ANTKMT: variants seen among roughly 807,000 people sequenced by gnomAD.
ANTKMT encodes the protein adenine nucleotide translocase lysine N-methyltransferase.
A neutral mutation model predicts 20.7 loss-of-function variants in ANTKMT; 24 were observed. The observed-to-expected ratio is 1.16, with a 90% CI of 0.84 to 1.63. ANTKMT has a LOEUF of 1.63. ANTKMT is among the 40% of genes most tolerant of loss of function. The pLI is 0.00. For missense variants in ANTKMT, 428 were observed against 334.8 expected (o/e 1.28, Z -2.17); for synonymous variants, 193 against 161.2 (o/e 1.20, Z -1.49).
At position 721,788 on chromosome 16, in the gene ANTKMT, T is replaced by G; in HGVS notation, c.268-13T>G. On this transcript the variant is annotated splice_polypyrimidine_tract_variant and intron_variant, in intron 2 of 4. Coordinates refer to ENST00000569529, the MANE Select transcript of ANTKMT (RefSeq NM_023933.3). The stretch of plus-strand genomic sequence containing the variant: ...TGCCCACATCCTGGTTCCCACACTC[T>G]CGGTGCCCACAGGTGCTGGCGGCCC... 1 of 1,537,910 alleles carries G rather than the reference T, an allele frequency of 6.5e-7. No individual in the cohort carries two copies. The highest frequency in any genetic ancestry group is 8.7e-7 in the Non-Finnish European group (1 of 1,143,698).
At position 721,587 on chromosome 16, in the gene ANTKMT, A is replaced by G. The variant is rs2040230692; in HGVS notation, c.163-11A>G. 1 of 1,537,920 alleles carries G rather than the reference A, an allele frequency of 6.5e-7. No homozygotes were observed. The highest frequency in any genetic ancestry group is 1.4e-5 in the African/African-American group (1 of 71,266). On this transcript the variant is annotated splice_polypyrimidine_tract_variant and intron_variant, in intron 1 of 4. Transcript: ENST00000569529. ...GAGCGGCCAGTGGACTCTCGCCGCC[A>G]CCCGGTCCAGGTGCCCTACGTCGGC...
At chr16:721,755 G>A in intron 2 of ANTKMT, 46 bp from the exon 3 acceptor site, 1 of 1,535,302 alleles carries the variant, frequency 6.5e-7, no homozygotes, top group Non-Finnish European at 8.8e-7. Context: ...CCTGCTGGCG[G>A]GCGCCCCTGC....
rs1287485746 is a variant in ANTKMT, at chr16:722,010, C to A, written c.408+69C>A. On this transcript the variant is annotated intron_variant, in intron 3 of 4. Transcript: ENST00000569529. Reference sequence around the variant, plus strand: ...GGCTGACACCTGCGAGGGCTGGGGGCCGGGACTCGGAAGCTGCGATGACCC... The same window carrying A: ...GGCTGACACCTGCGAGGGCTGGGGGACGGGACTCGGAAGCTGCGATGACCC... The A allele has an allele frequency of 1.8e-5, 28 of 1,550,532 alleles. No individual in the cohort carries two copies. The Admixed American group carries it at 5.4e-4, about 30-fold the overall frequency.
At chr16:721,484 G>A in intron 1 of ANTKMT, 48 bp downstream of exon 1, 5 of 1,382,472 alleles carry the variant, frequency 3.6e-6, no homozygotes, top group Non-Finnish European at 4.6e-6. Context: ...TGCCGCTCAG[G>A]GTCTCAAGGT....
chr16:722,079 G>T lies in ANTKMT; in HGVS notation c.409-5G>T, dbSNP rs374436232. ...CCCCGGCCGGGGCGACTTCTCTTCC[G>T]GCAGGTGAGCCTGAGGGACTGCCGC... On this transcript the variant is annotated splice_polypyrimidine_tract_variant and splice_region_variant and intron_variant, in intron 3 of 4. Transcript: ENST00000569529. 6 of 1,604,016 alleles carry T rather than the reference G, an allele frequency of 3.7e-6. No homozygotes were observed. Among genetic ancestry groups the T allele is most frequent in the African/African-American group, 1.3e-5 (1 of 74,840 alleles).
At chr16:721,467 G>C (rs888225141) in intron 1 of ANTKMT, 31 bp downstream of exon 1, 77 of 1,367,368 alleles carry the variant, frequency 5.6e-5, no homozygotes, top group Non-Finnish European at 6.7e-5. Flanking sequence ...GGGCAGGGGA[G>C]CTCGGCTGCC....
intron 3 of ANTKMT, 34 bp downstream of exon 3, chr16:721,975 C>T (rs1185022327): frequency 1.9e-6 from 3 of 1,559,404 alleles, no homozygotes; most frequent in Non-Finnish European, 8.6e-7. Flanking sequence ...CCGCTGACAG[C>T]CCAAGGTGCG....
chr16:722,399 G>C lies in ANTKMT; in HGVS notation c.550G>C (p.Val184Leu), dbSNP rs753607777. Residue 184 changes from valine (V) to leucine (L), a missense_variant, in exon 5 of 5, where the codon GTG becomes CTG. By Grantham distance (32) the Val-to-Leu change is conservative. Transcript: ENST00000569529. ...CTTCCCACTCCCCACCTGGCAGCCTGTGACCGCGGTTGGCGAGGGCCTGGA... is the reference window on the plus strand; with the variant it reads ...CTTCCCACTCCCCACCTGGCAGCCTCTGACCGCGGTTGGCGAGGGCCTGGA... ...GRFPLPTWQP[V>L]TAVGEGLDRV... The C allele has an allele frequency of 6.2e-7, 1 of 1,602,352 alleles. No individual in the cohort carries two copies. The highest frequency in any genetic ancestry group is 8.5e-7 in the Non-Finnish European group (1 of 1,174,570).
Position 721,625 on chromosome 16 carries a change from C to T in ANTKMT, c.190C>T (p.Gln64Ter). The T allele has an allele frequency of 6.5e-7, 1 of 1,545,812 alleles. No individual in the cohort carries two copies. Among genetic ancestry groups the T allele is most frequent in the Non-Finnish European group, 8.7e-7 (1 of 1,146,120 alleles). The change falls in exon 2 of 5, where the codon CAG becomes TAG. Residue 64 changes from glutamine (Q) to a stop codon, truncating the protein, a stop_gained. Transcript: ENST00000569529. LOFTEE classifies it high-confidence loss of function. ...QVPYVGASAR[Q>*]VEHVLSLLRG... is the part of the protein sequence containing the mutation. ...GCCCTACGTCGGCGCGAGCGCGCGG[C>T]AGGTGGAGCACGTGTTGTCGCTGCT...
rs763154136 is a variant in ANTKMT, at chr16:722,124, C to A, written c.449C>A (p.Ala150Asp). The A allele has an allele frequency of 8.1e-6, 13 of 1,608,852 alleles. No individual in the cohort carries two copies. The highest frequency in any genetic ancestry group is 1.3e-5 in the African/African-American group (1 of 74,830). ...RDCRNVSVFLAPSVLPLLEDK... is the reference protein window; with the variant it reads ...RDCRNVSVFLDPSVLPLLEDK... ...TGCCGCAACGTGTCTGTGTTCCTGG[C>A]CCCTAGCGTGGTAGGTGCGGGGTTG... Residue 150 changes from alanine to aspartate, a missense_variant, in exon 4 of 5, where the codon GCC becomes GAC. Physicochemically the swap from Ala to Asp is moderately radical, Grantham distance 126. Coordinates refer to ENST00000569529, the MANE Select transcript of ANTKMT (RefSeq NM_023933.3).
Position 722,455 on chromosome 16 carries a change from T to A in ANTKMT, c.606T>A (p.Gly202=), listed in dbSNP as rs1183040243. The change falls in exon 5 of 5, where the codon GGT becomes GGA. Residue 202 remains glycine, a synonymous_variant. Coordinates refer to ENST00000569529, the MANE Select transcript of ANTKMT (RefSeq NM_023933.3). ...DRVWAYDVPE[G]GQAGEAASSR... is the part of the protein sequence containing the mutation. ...TATGGGCTTATGATGTTCCTGAGGG[T>A]GGGCAGGCTGGGGAGGCCGCCTCCT... 2 of 1,611,192 alleles carry A rather than the reference T, an allele frequency of 1.2e-6. No homozygotes were observed. The highest frequency in any genetic ancestry group is 2.7e-5 in the African/African-American group (2 of 74,862).
chr16:721,476 C>A, intron 1 of ANTKMT, 40 bp downstream of exon 1: 1 of 1,369,464 alleles, frequency 7.3e-7, no homozygotes, highest in Non-Finnish European at 9.3e-7. Context: ...AGCTCGGCTG[C>A]CGCTCAGGGT....
rs765527018 is a variant in ANTKMT at position 722,049 on chromosome 16, C to T, written c.409-35C>T. ...CTGCGATGACCCGGTGCCCACCAGGCCTCTCCCCGGCCGGGGCGACTTCTC... is the reference window on the plus strand; with the variant it reads ...CTGCGATGACCCGGTGCCCACCAGGTCTCTCCCCGGCCGGGGCGACTTCTC... On this transcript the variant is annotated intron_variant, in intron 3 of 4. Coordinates refer to ENST00000569529, the MANE Select transcript of ANTKMT (RefSeq NM_023933.3). 7.6e-6 allele frequency: 12 copies of T among 1,581,822 alleles called. No homozygotes were observed. In the South Asian group the frequency reaches 1.3e-4, roughly 17 times the overall value.
rs372210970 is a variant in ANTKMT at position 721,702 on chromosome 16, C to T, written c.267C>T (p.Ile89=). The change falls in exon 2 of 5, where the codon ATC becomes ATT. Residue 89 remains isoleucine, a splice_region_variant and synonymous_variant. Transcript: ENST00000569529. ...ATCTGGGCTCTGGCGACGGCAGGATCGTAAGTGCCTGCGTCTGGGTCTTCG... is the reference window on the plus strand; with the variant it reads ...ATCTGGGCTCTGGCGACGGCAGGATTGTAAGTGCCTGCGTCTGGGTCTTCG... The part of the protein sequence containing the change: ...TVDLGSGDGR[I]VLAAHRCGLR... 10 of 1,548,972 alleles carry T rather than the reference C, an allele frequency of 6.5e-6. No individual in the cohort carries two copies. The African/African-American group carries it at 1.1e-4, about 17-fold the overall frequency.
Position 721,181 on chromosome 16 carries a change from C to A in ANTKMT, c.-94C>A. 1 of 1,163,746 alleles carries A rather than the reference C, an allele frequency of 8.6e-7. No homozygotes were observed. Among genetic ancestry groups the A allele is most frequent in the Non-Finnish European group, 1.1e-6 (1 of 935,534 alleles). 72.1% of individuals were successfully genotyped at this position (1,163,746 alleles called of 1,614,324 possible). On this transcript the variant is annotated 5_prime_UTR_variant, in exon 1 of 5. Transcript: ENST00000569529. The stretch of plus-strand genomic sequence containing the variant: ...TCGCGCGGCGGCTCCCGGCAGGAGG[C>A]AGAGGGCACACCGCCAGCCCCAGGC...
At chr16:722,276 C>A in intron 4 of ANTKMT, 33 bp from the exon 5 acceptor site, 1 of 1,596,802 alleles carries the variant, frequency 6.3e-7, no homozygotes, top group Non-Finnish European at 8.5e-7. Flanking sequence ...GGCCCCGCCC[C>A]CGCCCCCTCT....
rs762974638 is a variant in ANTKMT at position 721,809 on chromosome 16, G to T, written c.276G>T (p.Ala92=). The T allele has an allele frequency of 1.3e-6, 2 of 1,547,334 alleles. No individual in the cohort carries two copies. Among genetic ancestry groups the T allele is most frequent in the Non-Finnish European group, 1.7e-6 (2 of 1,149,914 alleles). Residue 92 remains alanine (A), a synonymous_variant, in exon 3 of 5, where the codon GCG becomes GCT. Transcript: ENST00000569529. ...LGSGDGRIVL[A]AHRCGLRPAV... ...ACTCTCGGTGCCCACAGGTGCTGGC[G>T]GCCCACAGGTGCGGCCTCCGCCCGG...
rs756183634 is a variant in ANTKMT at position 722,497 on chromosome 16, G to A, written c.648G>A (p.Gln216=). 6.2e-7 allele frequency: 1 copy of A among 1,612,402 alleles called. No homozygotes were observed. The highest frequency in any genetic ancestry group is 8.5e-7 in the Non-Finnish European group (1 of 1,179,922). ...GEAASSRIPI[Q]AAPGPSSAPI... is the part of the protein sequence containing the mutation. ...CCGCCTCCTCGCGGATACCCATCCA[G>A]GCTGCCCCCGGACCTAGTTCTGCCC... Residue 216 remains glutamine (Q), a synonymous_variant, in exon 5 of 5, where the codon CAG becomes CAA. Transcript: ENST00000569529.
Position 721,856 on chromosome 16 carries a change from C to T in ANTKMT, c.323C>T (p.Pro108Leu). The change falls in exon 3 of 5, where the codon CCC (proline) becomes CTC (leucine). Residue 108 changes from proline (P) to leucine (L), a missense_variant. Transcript: ENST00000569529. ...CCGGCCGTGGGCTACGAGCTGAACC[C>T]CTGGCTGGTGGCGCTGGCGCGGCTG... ...LRPAVGYELNPWLVALARLHA... is the reference protein window; with the variant it reads ...LRPAVGYELNLWLVALARLHA... The T allele has an allele frequency of 6.4e-7, 1 of 1,566,296 alleles. No individual in the cohort carries two copies. The highest frequency in any genetic ancestry group is 1.3e-5 in the African/African-American group (1 of 74,512).
Sources: allele counts gnomAD v4.1 joint callset, GRCh38; gene constraint gnomAD v4.1.1; transcripts MANE v1.5; gene names NCBI Gene and HGNC (gene_info 2026-07-23, HGNC 2026-07-21).